The following MPP4 variants were observed in gnomAD, a reference collection of about 807,000 sequenced individuals.
MPP4 encodes the protein MAGUK p55 scaffold protein 4, also known as MAGUK p55 subfamily member 4.
A neutral mutation model predicts 98.3 loss-of-function variants in MPP4; 91 were observed. The ratio of observed to expected loss-of-function variants is 0.93; its 90% CI spans 0.78 to 1.10. The LOEUF is 1.10. MPP4 is among the 50% of genes least tolerant of loss of function. The probability of loss-of-function intolerance (pLI) is 0.00; values close to 1 mark genes in which losing one functional copy is unlikely to be tolerated. For missense variants in MPP4, 744 were observed against 792.9 expected, an observed-to-expected ratio of 0.94 and a Z score of 0.74; for synonymous variants, 261 against 271.8, an observed-to-expected ratio of 0.96 and a Z score of 0.39.
At position 201,670,153 on chromosome 2, in the gene MPP4, G is replaced by A. The variant is rs1174949379; in HGVS notation, c.995-403C>T. 3.3e-5 allele frequency among the ~76,000 whole-genome samples: 5 copies of A among 152,150 alleles called. No individual in the cohort carries two copies. The East Asian group carries it at 9.7e-4, about 29-fold the overall frequency. On this transcript the variant is annotated intron_variant, in intron 11 of 21. Coordinates refer to ENST00000409474, the MANE Select transcript of MPP4 (RefSeq NM_033066.3). ...GGGAGGGAGGAAGGGAAAGAAAGAGGGAAGACAACTATAAGTGCACCTTCA... is the reference window on the plus strand; with the variant it reads ...GGGAGGGAGGAAGGGAAAGAAAGAGAGAAGACAACTATAAGTGCACCTTCA...
At chr2:201,679,411 T>G (rs1688607323) in intron 10 of MPP4, among the ~76,000 whole-genome samples, 1 of 152,168 alleles carries the variant, frequency 6.6e-6, no homozygotes, top group Non-Finnish European at 1.5e-5. Context: ...CTTTCTACTC[T>G]CTCCTTCCCA....
chr2:201,658,933 G>T (rs181852810), intron 15 of MPP4, among the ~76,000 whole-genome samples: 36 of 152,170 alleles, frequency 2.4e-4, no homozygotes, highest in African/African-American at 8.2e-4. Flanking sequence ...CCCTGCTGTT[G>T]TTGCTCACTC....
chr2:201,681,029 G>A lies in MPP4; in HGVS notation c.738C>T (p.Tyr246=), dbSNP rs200421737. 1.9e-6 allele frequency: 3 copies of A among 1,610,158 alleles called. No homozygotes were observed. The highest frequency in any genetic ancestry group is 1.3e-5 in the African/African-American group (1 of 74,942). Residue 246 remains tyrosine, a synonymous_variant, in exon 10 of 22, where the codon TAC becomes TAT. Coordinates refer to ENST00000409474, the MANE Select transcript of MPP4 (RefSeq NM_033066.3). ...DPPVNSQQMV[Y]VRAMTEYWPQ... is the part of the protein sequence containing the mutation. The stretch of plus-strand genomic sequence containing the variant: ...GCCAGTACTCAGTCATGGCACGGAC[G>A]TACACCTGATGGCAGGTGCATAATG...
intron 16 of MPP4, among the ~76,000 whole-genome samples, chr2:201,657,756 T>G (rs1307583058): frequency 1.3e-5 from 2 of 152,004 alleles, no homozygotes; most frequent in Non-Finnish European, 2.9e-5. Flanking sequence ...AGAGGCCAAG[T>G]GATGGCAGCT....
Position 201,693,006 on chromosome 2 carries a change from C to T in MPP4, c.103G>A (p.Val35Met), listed in dbSNP as rs761885936. The change falls in exon 3 of 22, where the codon GTG becomes ATG. Residue 35 changes from valine (V) to methionine (M), a missense_variant. Val to Met is a conservative substitution (Grantham distance 21). Coordinates refer to ENST00000409474, the MANE Select transcript of MPP4 (RefSeq NM_033066.3). ...QNGLSQILRLVLQELSLFYGR... is the reference protein window; with the variant it reads ...QNGLSQILRLMLQELSLFYGR... ...TAGAACAGACTCAGCTCTTGCAGCA[C>T]AAGCCTCAGGATCTGGGAGAGGCCT... The T allele has an allele frequency of 1.9e-6, 3 of 1,612,858 alleles. No homozygotes were observed. Among genetic ancestry groups the T allele is most frequent in the African/African-American group, 2.7e-5 (2 of 74,996 alleles).
intron 18 of MPP4, chr2:201,650,583 T>G: frequency 1.0e-6 from 1 of 985,442 alleles, no homozygotes; most frequent in Non-Finnish European, 1.2e-6. Flanking sequence ...TTAGGTAAAC[T>G]GTTAATATCT....
At chr2:201,646,661 T>C (rs1209725126) in intron 21 of MPP4, 1 of 152,162 alleles carries the variant, frequency 6.6e-6, no homozygotes, top group African/African-American at 2.4e-5. Flanking sequence ...TCCATAGTCA[T>C]TGCAAAAAAT....
At chr2:201,674,407 T>C (rs1228209036) in intron 11 of MPP4, among the ~76,000 whole-genome samples, 1 of 152,294 alleles carries the variant, frequency 6.6e-6, no homozygotes, top group South Asian at 2.1e-4. Flanking sequence ...GGGAGATTAT[T>C]TGGGGGCAGT....
At chr2:201,658,951 CA>C (rs2105918505) in intron 15 of MPP4, among the ~76,000 whole-genome samples, 1 of 152,266 alleles carries the variant, frequency 6.6e-6, no homozygotes, top group South Asian at 2.1e-4. Context: ...CTCTGGAGTG[CA>C]ATGGCACGAT....
At position 201,651,711 on chromosome 2, in the gene MPP4, T is replaced by C. The variant is rs950068714; in HGVS notation, c.1382-1546A>G. The C allele has an allele frequency of 8.5e-6, 8 of 936,072 alleles. No homozygotes were observed. In the African/African-American group the frequency reaches 1.4e-4, roughly 17 times the overall value. The allele number at this position is 936,072 out of a possible 1,614,324, so 58.0% of individuals were successfully genotyped here. The stretch of plus-strand genomic sequence containing the variant: ...GCTCACGCCTGTAATCCCAGCACTT[T>C]GGGAGGCCAAGGCGGGTGGATCACC... On this transcript the variant is annotated intron_variant, in intron 18 of 21. Coordinates refer to ENST00000409474, the MANE Select transcript of MPP4 (RefSeq NM_033066.3).
Position 201,687,338 on chromosome 2 carries a change from G to A in MPP4, c.313C>T (p.Pro105Ser). Reference sequence around the variant, plus strand: ...ATTTGTCTCAGCTCTTGGATCTCAGGGGAAGTAGGGGTTTCACGTAATAAC... The same window carrying A: ...ATTTGTCTCAGCTCTTGGATCTCAGAGGAAGTAGGGGTTTCACGTAATAAC... ...VELLRETPTS[P>S]EIQELRQMLQ... The change falls in exon 5 of 22, where the codon CCT becomes TCT. Residue 105 changes from proline (P) to serine (S), a missense_variant. By Grantham distance (74) the Pro-to-Ser change is moderately conservative (BLOSUM62 -1). Coordinates refer to ENST00000409474, the MANE Select transcript of MPP4 (RefSeq NM_033066.3). 1.9e-6 allele frequency: 3 copies of A among 1,584,562 alleles called. No individual in the cohort carries two copies. Among genetic ancestry groups the A allele is most frequent in the Non-Finnish European group, 1.7e-6 (2 of 1,163,684 alleles).
chr2:201,672,149 G>C (rs1688361174), intron 11 of MPP4, among the ~76,000 whole-genome samples: 1 of 152,122 alleles, frequency 6.6e-6, no homozygotes. Context: ...AATGACTACT[G>C]GGTAAATAAT....
At chr2:201,654,227 C>T (rs1387425754) in intron 18 of MPP4, among the ~76,000 whole-genome samples, 1 of 152,178 alleles carries the variant, frequency 6.6e-6, no homozygotes, top group African/African-American at 2.4e-5. Context: ...CCACCCACTT[C>T]AGCCTCCCAA....
intron 2 of MPP4, 32 bp downstream of exon 2, chr2:201,693,844 T>A (rs1377677318): frequency 5.6e-6 from 9 of 1,612,490 alleles, no homozygotes; most frequent in African/African-American, 1.3e-5. Flanking sequence ...TATTACTTTC[T>A]GGTCTAGAAA....
At chr2:201,670,665 T>C (rs1366029328) in intron 11 of MPP4, among the ~76,000 whole-genome samples, 1 of 152,200 alleles carries the variant, frequency 6.6e-6, no homozygotes, top group Non-Finnish European at 1.5e-5. Flanking sequence ...AATGAAAGTT[T>C]GTTTTAAAAA....
intron 16 of MPP4, among the ~76,000 whole-genome samples, chr2:201,657,354 G>A (rs78490436): frequency 0.012 from 1,761 of 152,194 alleles, 22 homozygotes; most frequent in East Asian, 0.043. Flanking sequence ...CGAATCATAG[G>A]GCTTTCTGGT....
rs546417551 is a variant in MPP4 at position 201,681,642 on chromosome 2, C to T, written c.661-75G>A. 1,987 of 1,070,094 alleles carry T rather than the reference C, an allele frequency of 1.9e-3. 4 individuals carry two copies. The highest frequency in any genetic ancestry group is 2.5e-3 in the Non-Finnish European group (1,730 of 698,660). The allele number at this position is 1,070,094 out of a possible 1,614,324, so 66.3% of individuals were successfully genotyped here. On this transcript the variant is annotated intron_variant, in intron 8 of 21. Transcript: ENST00000409474. ...TACTGGGGCTCGGTGGACAGAGTTACAGTGCAATGTATCCAGGTCTCATGG... is the reference window on the plus strand; with the variant it reads ...TACTGGGGCTCGGTGGACAGAGTTATAGTGCAATGTATCCAGGTCTCATGG...
rs1182222427 is a variant in MPP4, at chr2:201,656,163, A to G, written c.1300+35T>C. On this transcript the variant is annotated intron_variant, in intron 17 of 21. Coordinates refer to ENST00000409474, the MANE Select transcript of MPP4 (RefSeq NM_033066.3). Reference sequence around the variant, plus strand: ...CCTGAATCTAGAAGGAAGACTTCTCAAGGAGGAGGAGAGACAGTGCATGCT... The same window carrying G: ...CCTGAATCTAGAAGGAAGACTTCTCGAGGAGGAGGAGAGACAGTGCATGCT... 3.2e-6 allele frequency: 5 copies of G among 1,547,168 alleles called. No homozygotes were observed. In the East Asian group the frequency reaches 1.2e-4, roughly 36 times the overall value.
chr2:201,678,844 T>C (rs1688590424), intron 10 of MPP4, among the ~76,000 whole-genome samples: 1 of 152,104 alleles, frequency 6.6e-6, no homozygotes, highest in Non-Finnish European at 1.5e-5. Context: ...AGCTCACTCC[T>C]GCTCACTCCT....
Sources: gnomAD v4.1 joint callset for allele counts (sites outside exome capture counted in the v4.1 genomes callset) on GRCh38, gnomAD v4.1.1 for gene constraint, MANE v1.5 for transcripts, NCBI Gene and HGNC (gene_info 2026-07-23, HGNC 2026-07-21) for gene names.